The following EEPD1 variants were observed in gnomAD, a reference collection of about 807,000 sequenced individuals.
EEPD1 encodes the protein endonuclease/exonuclease/phosphatase family domain-containing protein 1.
A neutral mutation model predicts 46.3 loss-of-function variants in EEPD1; 17 were observed. That is an observed-to-expected ratio of 0.37 (90% CI 0.25 to 0.55). EEPD1 has a LOEUF of 0.55. Ranked by LOEUF, EEPD1 falls within the 20% of genes least tolerant of loss-of-function variation. The pLI, the probability that EEPD1 is intolerant of heterozygous loss-of-function variation, is 0.83. For missense variants in EEPD1, 673 were observed against 745.6 expected, an observed-to-expected ratio of 0.90 and a Z score of 1.13; for synonymous variants, 313 against 315.6, an observed-to-expected ratio of 0.99 and a Z score of 0.09.
chr7:36,225,103 G>A lies in EEPD1; in HGVS notation c.879-13882G>A, dbSNP rs757557073. Among the ~76,000 whole-genome samples the A allele has an allele frequency of 1.3e-5, 2 of 151,996 alleles. No homozygotes were observed. The highest frequency in any genetic ancestry group is 2.9e-5 in the Non-Finnish European group (2 of 68,026). On this transcript the variant is annotated intron_variant, in intron 2 of 7. Coordinates refer to ENST00000242108, the MANE Select transcript of EEPD1 (RefSeq NM_030636.3). This position sits in a 1 kb window ranked among gnomAD's most constrained non-coding sequence, Gnocchi z 4.2. Reference sequence around the variant, plus strand: ...CCTCCAGAGGGAGTGCGGCCATTCCGATAGCTTGATTTCAGCCCAGTGAGC... The same window carrying A: ...CCTCCAGAGGGAGTGCGGCCATTCCAATAGCTTGATTTCAGCCCAGTGAGC...
intron 2 of EEPD1, among the ~76,000 whole-genome samples, chr7:36,207,787 T>C (rs1050589571): frequency 6.6e-6 from 1 of 152,192 alleles, no homozygotes; most frequent in African/African-American, 2.4e-5. Context: ...ATAAAGTGTT[T>C]CTACTTTAGT....
chr7:36,285,518 C>T (rs1236027006), intron 5 of EEPD1, among the ~76,000 whole-genome samples: 1 of 152,150 alleles, frequency 6.6e-6, no homozygotes, highest in African/African-American at 2.4e-5. Context: ...TGGTTCTCCC[C>T]GGATGCCCTT....
At chr7:36,272,305 T>C (rs956384409) in intron 3 of EEPD1, among the ~76,000 whole-genome samples, 1 of 152,136 alleles carries the variant, frequency 6.6e-6, no homozygotes, top group Non-Finnish European at 1.5e-5. Context: ...GGAACATTCC[T>C]AAAGGGCAGA....
At chr7:36,217,135 AAAG>A (rs1786042719) in intron 2 of EEPD1, among the ~76,000 whole-genome samples, 1 of 152,296 alleles carries the variant, frequency 6.6e-6, no homozygotes, top group Non-Finnish European at 1.5e-5. Flanking sequence ...GTAAAGGAAT[AAAG>A]AATGGCTACT....
intron 2 of EEPD1, among the ~76,000 whole-genome samples, chr7:36,221,895 G>A (rs1490232747): frequency 6.6e-6 from 1 of 152,022 alleles, no homozygotes; most frequent in Non-Finnish European, 1.5e-5. Context: ...CCTTTTTATG[G>A]GACAGGTCCT....
chr7:36,175,119 G>T (rs1390322670), intron 2 of EEPD1, among the ~76,000 whole-genome samples: 1 of 152,202 alleles, frequency 6.6e-6, no homozygotes, highest in African/African-American at 2.4e-5. Context: ...TCAGTGATTG[G>T]CACAAGACTA....
intron 2 of EEPD1, among the ~76,000 whole-genome samples, chr7:36,158,730 C>T (rs531026368): frequency 6.6e-6 from 1 of 152,138 alleles, no homozygotes; most frequent in Non-Finnish European, 1.5e-5. Context: ...GGGGAATGTT[C>T]CTGCTAAATA....
chr7:36,195,243 G>C (rs1388368413), intron 2 of EEPD1, among the ~76,000 whole-genome samples: 1 of 152,198 alleles, frequency 6.6e-6, no homozygotes, highest in Non-Finnish European at 1.5e-5. Flanking sequence ...GGAAGGGGGA[G>C]CATGCGGGAT....
chr7:36,203,320 C>T (rs185689076), intron 2 of EEPD1, among the ~76,000 whole-genome samples: 1 of 152,104 alleles, frequency 6.6e-6, no homozygotes, highest in Admixed American at 6.5e-5. Flanking sequence ...CAGGTCACAC[C>T]CACACCATGC....
At position 36,268,306 on chromosome 7, in the gene EEPD1, C is replaced by T. The variant is rs183422098; in HGVS notation, c.931-12809C>T. 1.5e-3 allele frequency among the ~76,000 whole-genome samples: 235 copies of T among 152,210 alleles called. 1 individual carries two copies. The highest frequency in any genetic ancestry group is 5.3e-3 in the African/African-American group (220 of 41,552). On this transcript the variant is annotated intron_variant, in intron 3 of 7. Coordinates refer to ENST00000242108, the MANE Select transcript of EEPD1 (RefSeq NM_030636.3). The stretch of plus-strand genomic sequence containing the variant: ...AGCTGGGATTATAGGCATCCACCAC[C>T]GTGCCTGTAATCCCAGGCTAATTTT...
chr7:36,188,759 A>G (rs1010777042), intron 2 of EEPD1, among the ~76,000 whole-genome samples: 1 of 152,176 alleles, frequency 6.6e-6, no homozygotes, highest in Non-Finnish European at 1.5e-5. Context: ...TTTGCATTAA[A>G]AAAAAATTGA....
At chr7:36,165,026 T>C (rs1583781345) in intron 2 of EEPD1, among the ~76,000 whole-genome samples, 2 of 150,662 alleles carry the variant, frequency 1.3e-5, no homozygotes, top group African/African-American at 2.5e-5. Flanking sequence ...AAGCTAAGGG[T>C]AATTTATTAG....
intron 3 of EEPD1, among the ~76,000 whole-genome samples, chr7:36,244,941 GT>G (rs1207475696): frequency 7.1e-6 from 1 of 140,658 alleles, no homozygotes; most frequent in African/African-American, 2.6e-5. Flanking sequence ...CCCGGCTAAT[GT>G]TTTTTTTTTG....
intron 2 of EEPD1, among the ~76,000 whole-genome samples, chr7:36,179,735 T>C (rs1279691858): frequency 1.5e-5 from 2 of 135,518 alleles, no homozygotes; most frequent in Non-Finnish European, 1.6e-5. Flanking sequence ...TTTCTGGGCG[T>C]GGTGGCGCAT....
chr7:36,272,209 C>T (rs1057122374), intron 3 of EEPD1, among the ~76,000 whole-genome samples: 5 of 151,740 alleles, frequency 3.3e-5, no homozygotes, highest in East Asian at 1.9e-4. Flanking sequence ...AAAAAAAAGC[C>T]GATGAAATTA....
chr7:36,281,736 T>C (rs1450728867), intron 4 of EEPD1, among the ~76,000 whole-genome samples: 1 of 152,242 alleles, frequency 6.6e-6, no homozygotes, highest in Admixed American at 6.5e-5. Flanking sequence ...GGTAAATCTC[T>C]GTAAATACAC....
intron 2 of EEPD1, among the ~76,000 whole-genome samples, chr7:36,214,193 G>C (rs1409712815): frequency 6.6e-6 from 1 of 152,190 alleles, no homozygotes; most frequent in Admixed American, 6.5e-5. Context: ...TGGGTTCACT[G>C]GTCTTGGGAA....
At position 36,163,223 on chromosome 7, in the gene EEPD1, C is replaced by T. The variant is rs2115607042; in HGVS notation, c.878+8021C>T. Among the ~76,000 whole-genome samples, 3 of 148,594 alleles carry T rather than the reference C, an allele frequency of 2.0e-5. No homozygotes were observed. In the South Asian group the frequency reaches 6.5e-4, roughly 32 times the overall value. On this transcript the variant is annotated intron_variant, in intron 2 of 7. Transcript: ENST00000242108. ...TCCTTCCTTTCTTGGTGGGCAGCCTCTGTGGCTTCAGATTATTGTGTTGTT... is the reference window on the plus strand; with the variant it reads ...TCCTTCCTTTCTTGGTGGGCAGCCTTTGTGGCTTCAGATTATTGTGTTGTT...
intron 4 of EEPD1, among the ~76,000 whole-genome samples, chr7:36,283,483 T>C (rs796416562): frequency 1.4e-4 from 22 of 152,204 alleles, no homozygotes; most frequent in African/African-American, 5.3e-4. Flanking sequence ...AAATGGCAGA[T>C]GGAGAGATAA....
Sources: allele counts gnomAD v4.1 joint callset (sites outside exome capture counted in the v4.1 genomes callset), GRCh38; gene constraint gnomAD v4.1.1; non-coding constraint Gnocchi (gnomAD v3.1); transcripts MANE v1.5; gene names NCBI Gene and HGNC (gene_info 2026-07-23, HGNC 2026-07-21).